Variants in NRG3 observed in about 807,000 individuals in gnomAD.
NRG3 encodes the protein pro-neuregulin-3, membrane-bound isoform.
A neutral mutation model predicts 66.9 loss-of-function variants in NRG3; 31 were observed. The observed-to-expected ratio is 0.46, with a 90% CI of 0.35 to 0.63. The LOEUF (loss-of-function observed/expected upper bound fraction) is 0.63. Ranked by LOEUF, NRG3 falls within the 20% of genes least tolerant of loss-of-function variation. NRG3 has a pLI of 0.00. For synonymous variants in NRG3, 393 were observed against 359.4 expected, an observed-to-expected ratio of 1.09 and a Z score of -1.06; for missense variants, 910 against 878.9, an observed-to-expected ratio of 1.04 and a Z score of -0.45.
intron 2 of NRG3, among the ~76,000 whole-genome samples, chr10:82,699,213 T>C (rs185686490): frequency 6.8e-6 from 1 of 147,692 alleles, no homozygotes; most frequent in East Asian, 2.0e-4. Flanking sequence ...CACTTAATGA[T>C]TGTGGAAGAA....
chr10:82,463,062 T>C (rs1390742504), intron 2 of NRG3, among the ~76,000 whole-genome samples: 1 of 152,180 alleles, frequency 6.6e-6, no homozygotes, highest in Non-Finnish European at 1.5e-5. Flanking sequence ...CAGGCGTTCC[T>C]GGCCTCCTTA....
chr10:82,117,212 C>T, intron 1 of NRG3, among the ~76,000 whole-genome samples: 1 of 152,124 alleles, frequency 6.6e-6, no homozygotes, highest in East Asian at 1.9e-4. Flanking sequence ...TTGATTTTCT[C>T]TATGAGTTCT....
intron 4 of NRG3, among the ~76,000 whole-genome samples, chr10:82,945,318 G>A (rs1331823025): frequency 2.0e-5 from 3 of 152,156 alleles, no homozygotes; most frequent in African/African-American, 7.2e-5. Flanking sequence ...CAGGGTACAA[G>A]TGCTTTCACC....
intron 4 of NRG3, among the ~76,000 whole-genome samples, chr10:82,880,938 C>T (rs1842247746): frequency 6.6e-6 from 1 of 152,178 alleles, no homozygotes; most frequent in Non-Finnish European, 1.5e-5. Flanking sequence ...ATCTCACACT[C>T]CAGTTCCCAG....
chr10:81,917,768 G>GT (rs1170769229), intron 1 of NRG3, among the ~76,000 whole-genome samples: 1 of 152,148 alleles, frequency 6.6e-6, no homozygotes, highest in African/African-American at 2.4e-5. Flanking sequence ...TAGAAAACGT[G>GT]TTTTTCCCTG....
intron 1 of NRG3, among the ~76,000 whole-genome samples, chr10:82,161,732 A>G (rs2071617598): frequency 6.6e-6 from 1 of 151,984 alleles, no homozygotes; most frequent in African/African-American, 2.4e-5. Context: ...CCTGACCCAT[A>G]CTATCTGAAT....
intron 1 of NRG3, among the ~76,000 whole-genome samples, chr10:82,049,541 T>G (rs778608357): frequency 6.6e-5 from 10 of 151,896 alleles, no homozygotes; most frequent in Non-Finnish European, 2.9e-5. Flanking sequence ...AAAGCTATTT[T>G]CAAAGATAAC....
Position 82,444,347 on chromosome 10 carries a change from C to T in NRG3, c.953+85479C>T, listed in dbSNP as rs185294070. ...TGAACTCCTGACCTTAGGTGATCCA[C>T]CCACCTTGGCCTCCCAAAGTGCTGG... On this transcript the variant is annotated intron_variant, in intron 2 of 8. Transcript: ENST00000372141. Among the ~76,000 whole-genome samples, 211 of 152,240 alleles carry T rather than the reference C, an allele frequency of 1.4e-3. 2 individuals are homozygous for T. Among genetic ancestry groups the T allele is most frequent in the African/African-American group, 4.9e-3 (205 of 41,526 alleles).
chr10:82,318,717 T>G (rs1235520420), intron 1 of NRG3, among the ~76,000 whole-genome samples: 1 of 152,226 alleles, frequency 6.6e-6, no homozygotes, highest in East Asian at 1.9e-4. Context: ...TTCTCACTGT[T>G]GCCTCTGCTC....
chr10:81,885,715 C>A (rs1051177721), intron 1 of NRG3, among the ~76,000 whole-genome samples: 1 of 152,098 alleles, frequency 6.6e-6, no homozygotes, highest in African/African-American at 2.4e-5. Context: ...GATAGGAATA[C>A]TGTAGTGTCA....
Position 82,959,926 on chromosome 10 carries a change from G to A in NRG3, c.1284+851G>A, listed in dbSNP as rs547338406. Reference sequence around the variant, plus strand: ...ATGCAGATATATTCCTCTTAGGTTAGCAATTCTTTGACCCCACACAGCATC... The same window carrying A: ...ATGCAGATATATTCCTCTTAGGTTAACAATTCTTTGACCCCACACAGCATC... On this transcript the variant is annotated intron_variant, in intron 6 of 8. Coordinates refer to ENST00000372141, the MANE Select transcript of NRG3 (RefSeq NM_001010848.4). Among the ~76,000 whole-genome samples the A allele has an allele frequency of 6.6e-4, 100 of 152,252 alleles. 1 individual carries two copies. Among genetic ancestry groups the A allele is most frequent in the South Asian group, 5.8e-3 (28 of 4,822 alleles).
chr10:81,926,775 A>G (rs749578396), intron 1 of NRG3, among the ~76,000 whole-genome samples: 2 of 152,222 alleles, frequency 1.3e-5, no homozygotes, highest in African/African-American at 2.4e-5. Context: ...TCCCTAAATT[A>G]TAAGAGTTTA....
intron 1 of NRG3, among the ~76,000 whole-genome samples, chr10:82,310,797 C>T (rs186244276): frequency 2.0e-5 from 3 of 152,102 alleles, no homozygotes; most frequent in South Asian, 4.1e-4. Context: ...CTCTCTCTTC[C>T]CCTCTCTTCC....
chr10:82,077,289 A>G (rs182932756), intron 1 of NRG3, among the ~76,000 whole-genome samples: 297 of 152,294 alleles, frequency 2.0e-3, no homozygotes, highest in African/African-American at 7.0e-3. Flanking sequence ...CACTTAATCC[A>G]TCTCAATGTC....
At chr10:82,851,422 A>G (rs904880086) in intron 3 of NRG3, among the ~76,000 whole-genome samples, 2 of 152,196 alleles carry the variant, frequency 1.3e-5, no homozygotes, top group African/African-American at 2.4e-5. Flanking sequence ...CAGCAGCAGC[A>G]TGCATATTTA....
intron 2 of NRG3, among the ~76,000 whole-genome samples, chr10:82,368,457 A>G (rs2084680016): frequency 7.2e-6 from 1 of 139,020 alleles, no homozygotes; most frequent in Non-Finnish European, 1.5e-5. Context: ...AGACAGGCAG[A>G]AATAGGAGGC....
At chr10:82,512,241 C>T (rs1845247066) in intron 2 of NRG3, among the ~76,000 whole-genome samples, 1 of 151,242 alleles carries the variant, frequency 6.6e-6, no homozygotes, top group South Asian at 2.1e-4. Flanking sequence ...AATGAATATA[C>T]ATATACACAT....
chr10:82,792,191 A>AT (rs1351512226), intron 3 of NRG3, among the ~76,000 whole-genome samples: 1 of 152,068 alleles, frequency 6.6e-6, no homozygotes, highest in Non-Finnish European at 1.5e-5. Context: ...TCTTTCATTG[A>AT]TTTTATGGAG....
intron 1 of NRG3, among the ~76,000 whole-genome samples, chr10:82,345,866 A>G (rs1218157619): frequency 2.4e-4 from 36 of 151,150 alleles, no homozygotes; most frequent in African/African-American, 7.5e-4. Flanking sequence ...CTCTCTGTTT[A>G]TCTGTTGTTG....
Sources: gnomAD v4.1 joint callset for allele counts (sites outside exome capture counted in the v4.1 genomes callset) on GRCh38, gnomAD v4.1.1 for gene constraint, MANE v1.5 for transcripts, NCBI Gene and HGNC (gene_info 2026-07-23, HGNC 2026-07-21) for gene names.